MAPK8: variants seen among roughly 807,000 people sequenced by gnomAD.
The protein encoded by MAPK8 is mitogen-activated protein kinase 8.
MAPK8 carries 13 observed loss-of-function variants against 52.9 expected under a neutral mutation model. The ratio of observed to expected loss-of-function variants is 0.25; its 90% CI spans 0.16 to 0.39. The LOEUF (loss-of-function observed/expected upper bound fraction) is 0.39, where lower values mean the gene tolerates loss of function less well. Ranked by LOEUF, MAPK8 falls within the 10% of genes least tolerant of loss-of-function variation. The pLI is 1.00. For synonymous variants in MAPK8, 191 were observed against 169.8 expected (o/e 1.12, Z -0.97); for missense variants, 300 against 519.2 (o/e 0.58, Z 4.10).
chr10:48,339,693 ATAAG>A (rs1232145145), intron 1 of MAPK8, among the ~76,000 whole-genome samples: 2 of 152,198 alleles, frequency 1.3e-5, no homozygotes, highest in Non-Finnish European at 2.9e-5. Flanking sequence ...TCCATAATAA[ATAAG>A]GAATTTGAAT....
chr10:48,426,955 A>G, intron 9 of MAPK8, 125 bp from the exon 10 acceptor site: 1 of 656,178 alleles, frequency 1.5e-6, no homozygotes, highest in Non-Finnish European at 2.7e-6. Flanking sequence ...TAAGTTGATG[A>G]TTGATCAGTC....
At chr10:48,421,289 A>G (rs183818104) in intron 6 of MAPK8, among the ~76,000 whole-genome samples, 94 of 152,306 alleles carry the variant, frequency 6.2e-4, no homozygotes, top group Non-Finnish European at 1.0e-3. Flanking sequence ...TTAATTTTTT[A>G]TTCTTAAGTA....
intron 1 of MAPK8, among the ~76,000 whole-genome samples, chr10:48,355,917 CAG>C (rs1394836908): frequency 3.3e-5 from 5 of 152,248 alleles, no homozygotes; most frequent in East Asian, 1.9e-4. Flanking sequence ...ACCCAGAAGA[CAG>C]GGGAACATTT....
chr10:48,392,678 A>G (rs1467902092), intron 1 of MAPK8, among the ~76,000 whole-genome samples: 1 of 151,500 alleles, frequency 6.6e-6, no homozygotes, highest in African/African-American at 2.4e-5. Context: ...TCCTCTCTTT[A>G]TTGGATCCTT....
At position 48,404,932 on chromosome 10, in the gene MAPK8, A is replaced by C; in HGVS notation, c.203A>C (p.Lys68Thr). 6.2e-7 allele frequency: 1 copy of C among 1,610,236 alleles called. No individual in the cohort carries two copies. Among genetic ancestry groups the C allele is most frequent in the South Asian group, 1.1e-5 (1 of 90,642 alleles). The stretch of plus-strand genomic sequence containing the variant: ...CCATTTCAGAATCAGACTCATGCCA[A>C]GCGGGCCTACAGAGAGCTAGTTCTT... The part of the protein sequence containing the change: ...SRPFQNQTHA[K>T]RAYRELVLMK... The change falls in exon 3 of 12, where the codon AAG becomes ACG. Residue 68 changes from lysine (K) to threonine (T), a missense_variant. Lys to Thr is a moderately conservative substitution (Grantham distance 78, BLOSUM62 -1). Around this residue, in one of 3 missense-constraint regions of MAPK8, gnomAD observed 147 missense variants for 328.1 expected, o/e 0.45. Coordinates refer to ENST00000374189, the MANE Select transcript of MAPK8 (RefSeq NM_001323329.2).
At chr10:48,316,861 C>T (rs142823604) in intron 1 of MAPK8, among the ~76,000 whole-genome samples, 10 of 152,232 alleles carry the variant, frequency 6.6e-5, no homozygotes, top group East Asian at 1.9e-4. Flanking sequence ...TACTGAAGGA[C>T]GCATACATCG....
intron 2 of MAPK8, among the ~76,000 whole-genome samples, chr10:48,404,624 T>C (rs2042361420): frequency 6.6e-6 from 1 of 152,216 alleles, no homozygotes; most frequent in Non-Finnish European, 1.5e-5. Context: ...AGGGTCTCTG[T>C]TGGCATAGTC....
At chr10:48,329,623 T>C (rs1843909069) in intron 1 of MAPK8, among the ~76,000 whole-genome samples, 1 of 152,154 alleles carries the variant, frequency 6.6e-6, no homozygotes. Context: ...CACAGAGAGC[T>C]AAATGTGTGT....
At chr10:48,328,707 A>G (rs2132228351) in intron 1 of MAPK8, among the ~76,000 whole-genome samples, 1 of 152,352 alleles carries the variant, frequency 6.6e-6, no homozygotes, top group South Asian at 2.1e-4. Context: ...TGATGCTAGT[A>G]TTTAATGTCT....
At chr10:48,309,379 A>G (rs1841745754) in intron 1 of MAPK8, among the ~76,000 whole-genome samples, 1 of 152,190 alleles carries the variant, frequency 6.6e-6, no homozygotes, top group Admixed American at 6.5e-5. Flanking sequence ...GAGATATAGC[A>G]TCGATTCTGT....
chr10:48,372,475 G>GA (rs762608845), intron 1 of MAPK8, among the ~76,000 whole-genome samples: 1 of 151,850 alleles, frequency 6.6e-6, no homozygotes, highest in South Asian at 2.1e-4. Context: ...TAAGAACCTG[G>GA]AAAAAAGGTT....
intron 1 of MAPK8, among the ~76,000 whole-genome samples, chr10:48,395,553 A>G (rs1211543572): frequency 6.6e-6 from 1 of 152,084 alleles, no homozygotes; most frequent in East Asian, 1.9e-4. Flanking sequence ...ACATCATCCA[A>G]ATTAAAAACT....
chr10:48,328,310 T>C (rs1335134839), intron 1 of MAPK8, among the ~76,000 whole-genome samples: 1 of 152,104 alleles, frequency 6.6e-6, no homozygotes, highest in Non-Finnish European at 1.5e-5. Flanking sequence ...CTTTTTTTTT[T>C]TTCTTTGTAT....
chr10:48,340,152 G>T (rs1452112914), intron 1 of MAPK8, among the ~76,000 whole-genome samples: 1 of 152,140 alleles, frequency 6.6e-6, no homozygotes, highest in Non-Finnish European at 1.5e-5. Flanking sequence ...ACAGAATCAA[G>T]TGTTCATCAA....
chr10:48,348,543 C>A (rs1346867810), intron 1 of MAPK8, among the ~76,000 whole-genome samples: 1 of 152,038 alleles, frequency 6.6e-6, no homozygotes, highest in East Asian at 1.9e-4. Flanking sequence ...GTCTTTAATC[C>A]ATCCTGAGTT....
chr10:48,426,018 ACT>A lies in MAPK8; in HGVS notation c.822_823del (p.Phe275ProfsTer2). The A allele has an allele frequency of 6.2e-7, 1 of 1,611,722 alleles. No homozygotes were observed. Among genetic ancestry groups the A allele is most frequent in the Non-Finnish European group, 8.5e-7 (1 of 1,178,994 alleles). On this transcript the variant is annotated frameshift_variant, in exon 8 of 12. Coordinates refer to ENST00000374189, the MANE Select transcript of MAPK8 (RefSeq NM_001323329.2). LOFTEE classifies it high-confidence loss of function. ...PKYAGYSFEK[L>X]FPDVLFPADS... ...AATATGCTGGATATAGCTTTGAGAA[ACT>A]CTTCCCTGATGTCCTTTTCCCAGCT...
At chr10:48,386,139 A>G (rs1399595055) in intron 1 of MAPK8, among the ~76,000 whole-genome samples, 1 of 152,146 alleles carries the variant, frequency 6.6e-6, no homozygotes, top group Admixed American at 6.6e-5. Flanking sequence ...TGTGATCAGC[A>G]TTTTCTTTTA....
chr10:48,382,963 T>G (rs2041101344), intron 1 of MAPK8, among the ~76,000 whole-genome samples: 1 of 148,188 alleles, frequency 6.7e-6, no homozygotes, highest in African/African-American at 2.5e-5. Flanking sequence ...TATATATATA[T>G]AGATAGCCTG....
At chr10:48,415,737 A>G (rs181006939) in intron 5 of MAPK8, among the ~76,000 whole-genome samples, 11 of 152,296 alleles carry the variant, frequency 7.2e-5, no homozygotes, top group African/African-American at 2.2e-4. Context: ...TTCAAGGTGA[A>G]AGATACTATC....
Sources: allele counts gnomAD v4.1 joint callset (sites outside exome capture counted in the v4.1 genomes callset), GRCh38; gene constraint gnomAD v4.1.1; regional missense constraint gnomAD v4.1.1; transcripts MANE v1.5; gene names NCBI Gene and HGNC (gene_info 2026-07-23, HGNC 2026-07-21).